SYNPO: variants seen among roughly 807,000 people sequenced by gnomAD.
SYNPO encodes synaptopodin.
A neutral mutation model predicts 49.5 loss-of-function variants in SYNPO; 19 were observed. That is an observed-to-expected ratio of 0.38 (90% CI 0.27 to 0.56). SYNPO has a LOEUF of 0.56. Among genes scored for constraint, SYNPO ranks in the 20% least tolerant of loss-of-function variants. SYNPO has a pLI of 0.68. For synonymous variants in SYNPO, 536 were observed against 548.0 expected (o/e 0.98, Z 0.31); for missense variants, 1,131 against 1,248.3 (o/e 0.91, Z 1.42).
chr5:150,601,589 G>A (rs1756543341), intron 1 of SYNPO, among the ~76,000 whole-genome samples: 1 of 152,198 alleles, frequency 6.6e-6, no homozygotes, highest in East Asian at 1.9e-4. Context: ...ATGAGCGTGT[G>A]TGCACACGCG....
rs1758305526 is a variant in SYNPO at position 150,650,074 on chromosome 5, C to T, written c.1799C>T (p.Pro600Leu). The change falls in exon 2 of 3, where the codon CCC becomes CTC. Residue 600 changes from proline (P) to leucine (L), a missense_variant. This residue lies in a region of SYNPO where 509 missense variants were observed against 484.5 expected (regional missense o/e 1.05). Coordinates refer to ENST00000307662, the MANE Select transcript of SYNPO (RefSeq NM_007286.6). ...AAGCCCAGCTCCTTGGACCTGGTGC[C>T]CAACCTGCCCAAGGGGGCTCTCCCT... The part of the protein sequence containing the change: ...PAKPSSLDLV[P>L]NLPKGALPPS... 1.9e-6 allele frequency: 3 copies of T among 1,613,332 alleles called. No individual in the cohort carries two copies. The highest frequency in any genetic ancestry group is 2.5e-6 in the Non-Finnish European group (3 of 1,179,984).
At chr5:150,636,352 A>G (rs1273398379), upstream of SYNPO, among the ~76,000 whole-genome samples, 1 of 152,196 alleles carries the variant, frequency 6.6e-6, no homozygotes, top group Admixed American at 6.5e-5. Flanking sequence ...TCAAGGTACC[A>G]CCTAAAATCC....
chr5:150,651,268 C>G, intron 2 of SYNPO: 8 of 1,001,466 alleles, frequency 8.0e-6, no homozygotes, highest in African/African-American at 1.7e-5. Flanking sequence ...GGAACGGGGC[C>G]CAGGGGGAGG....
At chr5:150,620,951 T>TTTC (rs1757151112) in intron 2 of SYNPO, among the ~76,000 whole-genome samples, 5 of 140,660 alleles carry the variant, frequency 3.6e-5, no homozygotes, top group African/African-American at 8.2e-5. Flanking sequence ...CTTTCTTTTC[T>TTTC]TTTCTTTTTT....
In SYNPO at chr5:150,629,239, C is replaced by T. The variant is rs149082605; in HGVS notation, c.400+10472C>T. ...TGTTGCCCAGACTGGTCTTGAACTC[C>T]TGGGCTCAAGTGATCCATCTGCCTC... On this transcript the variant is annotated intron_variant, in intron 2 of 2. Transcript: ENST00000394243. 9.4e-3 allele frequency among the ~76,000 whole-genome samples: 1,436 copies of T among 152,222 alleles called. 13 individuals are homozygous for T. The highest frequency in any genetic ancestry group is 0.037 in the Middle Eastern group (11 of 294).
intron 2 of SYNPO, among the ~76,000 whole-genome samples, chr5:150,627,999 C>CGTGT (rs143004615): frequency 1.6e-3 from 240 of 145,842 alleles, no homozygotes; most frequent in African/African-American, 6.0e-3. Flanking sequence ...CTAAGTTAGT[C>CGTGT]GTGTGTGTGT....
In SYNPO at chr5:150,656,969, AGGACTCCGG is replaced by A; in HGVS notation, c.2597_2605del (p.Asp866_Gly868del). The A allele has an allele frequency of 6.3e-7, 1 of 1,593,218 alleles. No homozygotes were observed. The highest frequency in any genetic ancestry group is 8.5e-7 in the Non-Finnish European group (1 of 1,170,810). ...GACTCCGACGTGTCCCTCGACTCCGAGGACTCCGGGGCTAAGTCTCCAGGCATCCTGGGC... is the reference window on the plus strand; with the variant it reads ...GACTCCGACGTGTCCCTCGACTCCGAGGCTAAGTCTCCAGGCATCCTGGGC... On this transcript the variant is annotated inframe_deletion, in exon 3 of 3. Coordinates refer to ENST00000307662, the MANE Select transcript of SYNPO (RefSeq NM_007286.6).
chr5:150,649,684 A>T lies in SYNPO; in HGVS notation c.1409A>T (p.Asn470Ile). ...CAGGCCAAGCCGAAGCCCAAACCCA[A>T]CCAGAACCTCTCCGAGGCCTCTGGG... ...RIQAKPKPKP[N>I]QNLSEASGKG... is the part of the protein sequence containing the mutation. Residue 470 changes from asparagine to isoleucine, a missense_variant, in exon 2 of 3, where the codon AAC becomes ATC. By Grantham distance (149) the Asn-to-Ile change is moderately radical. Transcript: ENST00000307662. 6.2e-7 allele frequency: 1 copy of T among 1,611,258 alleles called. No homozygotes were observed. The highest frequency in any genetic ancestry group is 8.5e-7 in the Non-Finnish European group (1 of 1,179,934).
At chr5:150,631,242 C>T (rs1295755426) in intron 2 of SYNPO, among the ~76,000 whole-genome samples, 2 of 152,232 alleles carry the variant, frequency 1.3e-5, no homozygotes, top group Admixed American at 6.5e-5. Flanking sequence ...GGCAGACTGA[C>T]GTGAAAACAA....
chr5:150,603,481 G>A (rs1290236764), intron 1 of SYNPO, among the ~76,000 whole-genome samples: 2 of 152,246 alleles, frequency 1.3e-5, no homozygotes, highest in African/African-American at 4.8e-5. Flanking sequence ...TAGATTTGCT[G>A]TTGCCGTTAG....
intron 1 of SYNPO, among the ~76,000 whole-genome samples, chr5:150,613,294 C>G (rs917518750): frequency 6.6e-6 from 1 of 152,096 alleles, no homozygotes; most frequent in Non-Finnish European, 1.5e-5. Context: ...GTCTCTCCAG[C>G]CAGCAGGAGA....
intron 2 of SYNPO, chr5:150,650,770 T>C: frequency 7.8e-7 from 1 of 1,274,096 alleles, no homozygotes; most frequent in African/African-American, 1.5e-5. Flanking sequence ...GTCTGCCTCC[T>C]CAGCTGCCCC....
At chr5:150,588,589 G>T in the SYNPO span, among the ~76,000 whole-genome samples, 1 of 152,116 alleles carries the variant, frequency 6.6e-6, no homozygotes, top group East Asian at 1.9e-4. Context: ...TCAGAGAGAA[G>T]GGGATCTCAG....
upstream of SYNPO, chr5:150,640,194 T>C: frequency 1.0e-6 from 1 of 984,670 alleles, no homozygotes; most frequent in Non-Finnish European, 1.2e-6. Flanking sequence ...GTGGTGGTTA[T>C]TAAGTGATGC....
chr5:150,609,303 T>A (rs1393432618), intron 1 of SYNPO, among the ~76,000 whole-genome samples: 2 of 152,236 alleles, frequency 1.3e-5, no homozygotes, highest in East Asian at 1.9e-4. Flanking sequence ...TTAATTTTTT[T>A]AATTTTTTGA....
At chr5:150,626,180 G>A (rs79988689) in intron 2 of SYNPO, among the ~76,000 whole-genome samples, 5,336 of 152,260 alleles carry the variant, frequency 0.035, 298 homozygotes, top group African/African-American at 0.12. Flanking sequence ...ATTCCATGTT[G>A]GGGGGCACAG....
At chr5:150,620,918 TTTCTTTCTTTCTTTCTTTCTTTC>T in intron 2 of SYNPO, among the ~76,000 whole-genome samples, 1 of 135,666 alleles carries the variant, frequency 7.4e-6, no homozygotes, top group African/African-American at 3.1e-5. Flanking sequence ...TCTTTCTTTC[TTTCTTTCTTTCTTTCTTTCTTTC>T]TTTCTTTTCT....
At chr5:150,614,815 G>A (rs1408919120) in intron 1 of SYNPO, 1 of 152,174 alleles carries the variant, frequency 6.6e-6, no homozygotes, top group Admixed American at 6.5e-5. Flanking sequence ...TCATGGATGG[G>A]TTGGCCATCT....
At chr5:150,640,081 T>C (rs971790903), upstream of SYNPO, 12 of 966,976 alleles carry the variant, frequency 1.2e-5, no homozygotes, top group Non-Finnish European at 1.5e-5. Flanking sequence ...GCTGGCCTCA[T>C]GGGTTGCTGT....
Sources: allele counts gnomAD v4.1 joint callset (sites outside exome capture counted in the v4.1 genomes callset), GRCh38; gene constraint gnomAD v4.1.1; regional missense constraint gnomAD v4.1.1; transcripts MANE v1.5; gene names NCBI Gene and HGNC (gene_info 2026-07-23, HGNC 2026-07-21).